Variants in VIPR2 observed in about 807,000 individuals in gnomAD.
The protein encoded by VIPR2 is vasoactive intestinal peptide receptor 2.
A neutral mutation model predicts 58.0 loss-of-function variants in VIPR2; 48 were observed. The ratio of observed to expected loss-of-function variants is 0.83; its 90% CI spans 0.66 to 1.05. VIPR2 has a LOEUF of 1.05. Among genes scored for constraint, VIPR2 ranks in the 50% least tolerant of loss-of-function variants. The pLI is 0.00. For missense variants in VIPR2, 534 were observed against 558.0 expected (o/e 0.96, Z 0.43); for synonymous variants, 243 against 235.2 (o/e 1.03, Z -0.30).
intron 4 of VIPR2, chr7:159,059,134 C>T: frequency 2.4e-6 from 1 of 421,776 alleles, no homozygotes; most frequent in Non-Finnish European, 4.9e-6. Context: ...TACTTTTAAT[C>T]TCCACGAAAT....
At position 159,144,354 on chromosome 7, in the gene VIPR2, C is replaced by T. The variant is rs756741827; in HGVS notation, c.51+367G>A. ...TGCGGCCAACGCCAACCCCGATCTCCCCGTGAAACGCGCAGCCCGCGCAGG... is the reference window on the plus strand; with the variant it reads ...TGCGGCCAACGCCAACCCCGATCTCTCCGTGAAACGCGCAGCCCGCGCAGG... On this transcript the variant is annotated intron_variant, in intron 1 of 12. Coordinates refer to ENST00000262178, the MANE Select transcript of VIPR2 (RefSeq NM_003382.5). 8.4e-6 allele frequency: 13 copies of T among 1,539,836 alleles called. No homozygotes were observed. The Admixed American group carries it at 1.6e-4, about 19-fold the overall frequency.
At chr7:159,073,932 C>A (rs1440572438) in intron 4 of VIPR2, among the ~76,000 whole-genome samples, 1 of 152,118 alleles carries the variant, frequency 6.6e-6, no homozygotes, top group Non-Finnish European at 1.5e-5. Context: ...GACAACTGTG[C>A]ACACAATTCT....
At chr7:159,143,966 C>T (rs1797580831) in intron 1 of VIPR2, among the ~76,000 whole-genome samples, 1 of 152,240 alleles carries the variant, frequency 6.6e-6, no homozygotes, top group Non-Finnish European at 1.5e-5. Flanking sequence ...ATGACACTGT[C>T]GGGTCAGCAG....
At chr7:159,088,497 C>T (rs1857306330) in intron 4 of VIPR2, among the ~76,000 whole-genome samples, 1 of 152,132 alleles carries the variant, frequency 6.6e-6, no homozygotes, top group African/African-American at 2.4e-5. Flanking sequence ...CCGTATACCA[C>T]ACACAAGCTG....
intron 4 of VIPR2, among the ~76,000 whole-genome samples, chr7:159,101,710 G>A (rs6459920): frequency 3.6e-4 from 42 of 116,336 alleles, no homozygotes; most frequent in African/African-American, 7.0e-4. Context: ...AGGCGGTTCC[G>A]ACTGTTCCTG....
At chr7:159,112,219 A>G (rs1288487175) in intron 2 of VIPR2, among the ~76,000 whole-genome samples, 1 of 152,250 alleles carries the variant, frequency 6.6e-6, no homozygotes, top group Non-Finnish European at 1.5e-5. Context: ...TTCAATGGCC[A>G]GGGAAAGTCT....
intron 4 of VIPR2, among the ~76,000 whole-genome samples, chr7:159,074,010 T>C (rs1856527690): frequency 6.6e-6 from 1 of 152,190 alleles, no homozygotes; most frequent in South Asian, 2.1e-4. Context: ...CACTCCTGCT[T>C]CTACCACAAA....
intron 2 of VIPR2, among the ~76,000 whole-genome samples, chr7:159,126,311 T>C (rs1796647145): frequency 6.6e-6 from 1 of 152,260 alleles, no homozygotes; most frequent in Non-Finnish European, 1.5e-5. Context: ...GTCTTCTTTT[T>C]GTTCTGAGGA....
rs760582167 is a variant in VIPR2 at position 159,036,016 on chromosome 7, CAG to C, written c.749-6_749-5del. ...CCGATGCAGACGGTGGGGAGGCCTG[CAG>C]AGAGACGCCTGGTTACACAGGTGGA... On this transcript the variant is annotated splice_polypyrimidine_tract_variant and splice_region_variant and intron_variant, in intron 7 of 12. Transcript: ENST00000262178. The C allele has an allele frequency of 2.5e-5, 41 of 1,612,636 alleles. No homozygotes were observed. The highest frequency in any genetic ancestry group is 3.3e-5 in the Non-Finnish European group (39 of 1,179,544).
At chr7:159,086,356 T>C (rs1283120818) in intron 4 of VIPR2, among the ~76,000 whole-genome samples, 1 of 152,246 alleles carries the variant, frequency 6.6e-6, no homozygotes, top group Non-Finnish European at 1.5e-5. Context: ...TGAGCTGGGT[T>C]GTGGGGAGGT....
rs1379932776 is a variant in VIPR2 at position 159,137,949 on chromosome 7, G to A, written c.151+4497C>T. 2.0e-5 allele frequency among the ~76,000 whole-genome samples: 3 copies of A among 152,206 alleles called. 1 individual carries two copies. The highest frequency in any genetic ancestry group is 1.9e-4 in the East Asian group (1 of 5,198). ...TACACCATCAATATTGACATCAGAG[G>A]AACCTACTTCTCTGCTCTCTGCCGT... On this transcript the variant is annotated intron_variant, in intron 2 of 12. Coordinates refer to ENST00000262178, the MANE Select transcript of VIPR2 (RefSeq NM_003382.5).
Position 159,127,597 on chromosome 7 carries a change from C to T in VIPR2, c.151+14849G>A, listed in dbSNP as rs1796703164. On this transcript the variant is annotated intron_variant, in intron 2 of 12. Transcript: ENST00000262178. This position sits in a 1 kb window ranked among gnomAD's most constrained non-coding sequence, Gnocchi z 4.6. ...CCATCTCTGCCTAAAGAGAAGGCAT[C>T]ATTGCAAATGCCTCAGAGGTGGGAG... 6.6e-6 allele frequency among the ~76,000 whole-genome samples: 1 copy of T among 152,170 alleles called. No individual in the cohort carries two copies. Among genetic ancestry groups the T allele is most frequent in the South Asian group, 2.1e-4 (1 of 4,824 alleles).
At chr7:159,055,327 G>A (rs1855249536) in intron 5 of VIPR2, among the ~76,000 whole-genome samples, 1 of 152,186 alleles carries the variant, frequency 6.6e-6, no homozygotes, top group African/African-American at 2.4e-5. Context: ...ACACCGGGTG[G>A]CTGCAGGGTC....
Position 159,095,205 on chromosome 7 carries a change from A to G in VIPR2, c.357+8552T>C, listed in dbSNP as rs946904061. ...CCGAGACAGCAAATCATATGACAGC[A>G]TTAGTGAAAATGGGACATTTCCTAA... On this transcript the variant is annotated intron_variant, in intron 4 of 12. Coordinates refer to ENST00000262178, the MANE Select transcript of VIPR2 (RefSeq NM_003382.5). The surrounding 1 kb of genome is among the most constrained non-coding windows in gnomAD (Gnocchi z 5.2). 2.0e-5 allele frequency among the ~76,000 whole-genome samples: 3 copies of G among 152,266 alleles called. No homozygotes were observed. The highest frequency in any genetic ancestry group is 7.2e-5 in the African/African-American group (3 of 41,466).
chr7:159,043,707 G>A (rs547492342), intron 5 of VIPR2, among the ~76,000 whole-genome samples: 1 of 152,270 alleles, frequency 6.6e-6, no homozygotes, highest in Non-Finnish European at 1.5e-5. Flanking sequence ...TGGGTACTTG[G>A]TCCTGGAGAA....
chr7:159,112,361 G>A (rs562004564), intron 2 of VIPR2, among the ~76,000 whole-genome samples: 15 of 152,330 alleles, frequency 9.8e-5, no homozygotes, highest in African/African-American at 2.9e-4. Context: ...AGCCGAAGGC[G>A]CAGCCGGAAG....
intron 4 of VIPR2, among the ~76,000 whole-genome samples, chr7:159,089,748 G>A (rs772845012): frequency 2.0e-5 from 3 of 152,188 alleles, no homozygotes; most frequent in African/African-American, 4.8e-5. Flanking sequence ...CACAAAAAGT[G>A]CACGGGACCC....
chr7:159,030,415 C>T lies in VIPR2; in HGVS notation c.*201G>A, dbSNP rs752907288. 1.2e-5 allele frequency: 6 copies of T among 519,752 alleles called. No homozygotes were observed. The African/African-American group carries it at 1.2e-4, about 10-fold the overall frequency. 32.2% of individuals were successfully genotyped at this position (519,752 alleles called of 1,614,324 possible). A position where few individuals can be genotyped will look rare whatever the true frequency, so the allele number is the denominator to read the frequency against. On this transcript the variant is annotated 3_prime_UTR_variant, in exon 13 of 13. Transcript: ENST00000262178. ...CATTTTGCACAAGATTATCTAAATG[C>T]TGGAGTTTAAATCGAGTCAATGACA...
At chr7:159,047,675 C>T (rs1854737548) in intron 5 of VIPR2, among the ~76,000 whole-genome samples, 1 of 152,160 alleles carries the variant, frequency 6.6e-6, no homozygotes, top group African/African-American at 2.4e-5. Flanking sequence ...TCTAGAAAAA[C>T]CATCAAGAAT....
Sources: allele counts gnomAD v4.1 joint callset (sites outside exome capture counted in the v4.1 genomes callset), GRCh38; gene constraint gnomAD v4.1.1; non-coding constraint Gnocchi (gnomAD v3.1); transcripts MANE v1.5; gene names NCBI Gene and HGNC (gene_info 2026-07-23, HGNC 2026-07-21).